PARD3: variants seen among roughly 807,000 people sequenced by gnomAD.
PARD3 encodes par-3 family cell polarity regulator.
A neutral mutation model predicts 155.4 loss-of-function variants in PARD3; 75 were observed. The ratio of observed to expected loss-of-function variants is 0.48; its 90% confidence interval spans 0.40 to 0.58. The LOEUF (loss-of-function observed/expected upper bound fraction) is 0.58. Ranked by LOEUF, PARD3 falls within the 20% of genes least tolerant of loss-of-function variation. The pLI, the probability that PARD3 is intolerant of heterozygous loss-of-function variation, is 0.00. For missense variants in PARD3, 1,642 were observed against 1,721.7 expected, an observed-to-expected ratio of 0.95 and a Z score of 0.82; for synonymous variants, 576 against 610.5, an observed-to-expected ratio of 0.94 and a Z score of 0.83.
At chr10:34,571,051 C>A (rs1000786432) in intron 2 of PARD3, among the ~76,000 whole-genome samples, 3 of 152,126 alleles carry the variant, frequency 2.0e-5, no homozygotes, top group Non-Finnish European at 2.9e-5. Context: ...GTAACTCATG[C>A]CTGGAATCCC....
At chr10:34,764,905 C>G (rs1837893493) in intron 1 of PARD3, among the ~76,000 whole-genome samples, 1 of 152,186 alleles carries the variant, frequency 6.6e-6, no homozygotes, top group Non-Finnish European at 1.5e-5. Flanking sequence ...CATTTATCTT[C>G]ATAAACAGCC....
intron 19 of PARD3, among the ~76,000 whole-genome samples, chr10:34,327,300 G>A (rs968857197): frequency 6.6e-6 from 1 of 152,170 alleles, no homozygotes; most frequent in Non-Finnish European, 1.5e-5. Flanking sequence ...ACAACATGGA[G>A]AGGCCAGATG....
intron 11 of PARD3, among the ~76,000 whole-genome samples, chr10:34,374,474 C>CA (rs1195873587): frequency 6.6e-6 from 1 of 152,078 alleles, no homozygotes; most frequent in Non-Finnish European, 1.5e-5. Flanking sequence ...GGCTTACTGA[C>CA]ATGTACTATG....
chr10:34,230,001 C>G (rs531424094), intron 22 of PARD3, among the ~76,000 whole-genome samples: 1 of 152,034 alleles, frequency 6.6e-6, no homozygotes, highest in Non-Finnish European at 1.5e-5. Flanking sequence ...AATACTGAAG[C>G]GTTAGTTCAC....
chr10:34,749,729 T>C lies in PARD3; in HGVS notation c.121-53310A>G, dbSNP rs112061700. Among the ~76,000 whole-genome samples, 834 of 152,146 alleles carry C rather than the reference T, an allele frequency of 5.5e-3. 8 individuals are homozygous for C. The highest frequency in any genetic ancestry group is 0.019 in the African/African-American group (793 of 41,504). On this transcript the variant is annotated intron_variant, in intron 1 of 24. Coordinates refer to ENST00000374788, the MANE Select transcript of PARD3 (RefSeq NM_001184785.2). Reference sequence around the variant, plus strand: ...GAAAGATGTCAGTTCCCTCCTAAAATAATATATAAGGCCAGGCACAGTGGG... The same window carrying C: ...GAAAGATGTCAGTTCCCTCCTAAAACAATATATAAGGCCAGGCACAGTGGG...
intron 2 of PARD3, among the ~76,000 whole-genome samples, chr10:34,690,036 T>G (rs2133418726): frequency 6.6e-6 from 1 of 152,260 alleles, no homozygotes. Flanking sequence ...CTCCGTCCCC[T>G]GGGTTCAAGC....
At chr10:34,195,562 T>C (rs1266964999) in intron 22 of PARD3, among the ~76,000 whole-genome samples, 2 of 152,216 alleles carry the variant, frequency 1.3e-5, no homozygotes, top group Admixed American at 6.5e-5. Context: ...GGAGTGCTTA[T>C]GTATTGGACA....
intron 3 of PARD3, among the ~76,000 whole-genome samples, chr10:34,495,321 C>T (rs1381416106): frequency 1.3e-5 from 2 of 152,118 alleles, no homozygotes; most frequent in Non-Finnish European, 2.9e-5. Flanking sequence ...ACAGTGCCCA[C>T]AGAAACGTCA....
intron 2 of PARD3, among the ~76,000 whole-genome samples, chr10:34,543,118 A>AG (rs1299312377): frequency 6.7e-6 from 1 of 149,922 alleles, no homozygotes; most frequent in Non-Finnish European, 1.5e-5. Flanking sequence ...TTTCCAATTT[A>AG]GGGGAAAAAA....
At chr10:34,299,583 T>C (rs1279122444) in intron 20 of PARD3, among the ~76,000 whole-genome samples, 1 of 152,180 alleles carries the variant, frequency 6.6e-6, no homozygotes, top group African/African-American at 2.4e-5. Context: ...TCTTACAAGA[T>C]AAATAATGCT....
chr10:34,408,523 G>A (rs1223197566), intron 5 of PARD3, among the ~76,000 whole-genome samples: 1 of 152,148 alleles, frequency 6.6e-6, no homozygotes, highest in Non-Finnish European at 1.5e-5. Context: ...ATTCCAAAGG[G>A]AATCTGTTTC....
At chr10:34,128,656 T>A (rs549030230) in intron 23 of PARD3, among the ~76,000 whole-genome samples, 1 of 152,270 alleles carries the variant, frequency 6.6e-6, no homozygotes, top group Non-Finnish European at 1.5e-5. Flanking sequence ...CTTCTCCCAT[T>A]TTTTCCTCTT....
chr10:34,302,782 C>T (rs897165775), intron 20 of PARD3, among the ~76,000 whole-genome samples: 1 of 152,166 alleles, frequency 6.6e-6, no homozygotes, highest in Non-Finnish European at 1.5e-5. Context: ...CTCTTTCAGA[C>T]CTGTTTTAAT....
intron 2 of PARD3, among the ~76,000 whole-genome samples, chr10:34,619,683 T>C (rs2091506337): frequency 6.6e-6 from 1 of 152,208 alleles, no homozygotes; most frequent in South Asian, 2.1e-4. Context: ...TGCTCAAATA[T>C]TTAATGGAGT....
At chr10:34,383,422 T>C (rs932733802) in intron 8 of PARD3, among the ~76,000 whole-genome samples, 3 of 133,558 alleles carry the variant, frequency 2.2e-5, no homozygotes, top group African/African-American at 6.2e-5. Context: ...CTTAGAAGAC[T>C]ATAGAAAGTA....
At chr10:34,349,345 T>A (rs904473586) in intron 14 of PARD3, among the ~76,000 whole-genome samples, 1 of 152,112 alleles carries the variant, frequency 6.6e-6, no homozygotes, top group Admixed American at 6.5e-5. Flanking sequence ...CAATTACAAT[T>A]GGAGGCACAT....
At chr10:34,540,480 C>T (rs2083530499) in intron 2 of PARD3, among the ~76,000 whole-genome samples, 1 of 152,158 alleles carries the variant, frequency 6.6e-6, no homozygotes, top group African/African-American at 2.4e-5. Flanking sequence ...CTTGGCCAGG[C>T]ATTGTGGCTC....
chr10:34,810,569 T>C (rs1163817465), intron 1 of PARD3, among the ~76,000 whole-genome samples: 1 of 152,182 alleles, frequency 6.6e-6, no homozygotes, highest in Admixed American at 6.5e-5. Context: ...ACACACAATT[T>C]TGTTCTCCTG....
chr10:34,481,541 T>C lies in PARD3; in HGVS notation c.404-11278A>G, dbSNP rs994214024. ...CAGTACAGTTCAGGGGAAAAGTTAG[T>C]TGAGCCCCTGCCAGACACATCAGGG... On this transcript the variant is annotated intron_variant, in intron 3 of 24. Transcript: ENST00000374788. Among the ~76,000 whole-genome samples, 6 of 152,196 alleles carry C rather than the reference T, an allele frequency of 3.9e-5. No homozygotes were observed. In the South Asian group the frequency reaches 1.2e-3, roughly 32 times the overall value.
Sources: gnomAD v4.1 joint callset for allele counts (sites outside exome capture counted in the v4.1 genomes callset) on GRCh38, gnomAD v4.1.1 for gene constraint, MANE v1.5 for transcripts, NCBI Gene and HGNC (gene_info 2026-07-23, HGNC 2026-07-21) for gene names.